ULK4: variants seen among roughly 807,000 people sequenced by gnomAD.
ULK4 encodes the protein unc-51 like kinase 4.
Under a neutral mutation model 160.6 loss-of-function variants are expected in ULK4, and 133 were observed. The ratio of observed to expected loss-of-function variants is 0.83; its 90% CI spans 0.72 to 0.96. The LOEUF (loss-of-function observed/expected upper bound fraction) is 0.96, where lower values mean the gene tolerates loss of function less well. Among genes scored for constraint, ULK4 ranks in the 40% least tolerant of loss-of-function variants. The pLI is 0.00. For synonymous variants in ULK4, 534 were observed against 539.8 expected (o/e 0.99, Z 0.15); for missense variants, 1,580 against 1,499.5 (o/e 1.05, Z -0.89).
chr3:41,326,136 A>AGG (rs940355613), intron 35 of ULK4, among the ~76,000 whole-genome samples: 3 of 151,092 alleles, frequency 2.0e-5, no homozygotes, highest in Non-Finnish European at 3.0e-5. Flanking sequence ...AAGCATGGGC[A>AGG]GGGGGGGGCT....
chr3:41,620,414 C>T (rs187494728), intron 30 of ULK4, among the ~76,000 whole-genome samples: 106 of 152,240 alleles, frequency 7.0e-4, no homozygotes, highest in Non-Finnish European at 1.2e-3. Flanking sequence ...AAAGCTTATC[C>T]ACCACGATCA....
chr3:41,957,347 G>A (rs1176444489), intron 1 of ULK4, among the ~76,000 whole-genome samples: 6 of 150,802 alleles, frequency 4.0e-5, no homozygotes, highest in African/African-American at 1.5e-4. Flanking sequence ...CCAGCTACTC[G>A]GGAGGCTGAA....
intron 35 of ULK4, among the ~76,000 whole-genome samples, chr3:41,355,097 C>A (rs2081002668): frequency 6.6e-6 from 1 of 152,330 alleles, no homozygotes; most frequent in East Asian, 1.9e-4. Flanking sequence ...AGGGTAAAGA[C>A]AATTACCTTT....
chr3:41,742,395 G>A (rs537662089), intron 22 of ULK4, among the ~76,000 whole-genome samples: 1 of 151,994 alleles, frequency 6.6e-6, no homozygotes, highest in South Asian at 2.1e-4. Flanking sequence ...TCTGAGTGGA[G>A]AGCTATCTTC....
intron 34 of ULK4, among the ~76,000 whole-genome samples, chr3:41,419,336 A>C (rs1348671686): frequency 6.6e-6 from 1 of 152,150 alleles, no homozygotes; most frequent in East Asian, 1.9e-4. Flanking sequence ...GAGTAGGATA[A>C]CATGGAGCCT....
At chr3:41,803,114 T>G (rs1306604174) in intron 19 of ULK4, among the ~76,000 whole-genome samples, 1 of 147,366 alleles carries the variant, frequency 6.8e-6, no homozygotes, top group Non-Finnish European at 1.5e-5. Flanking sequence ...GAGGTTGCAG[T>G]GAGCCAAGAT....
Position 41,551,383 on chromosome 3 carries a change from C to A in ULK4, c.3226+14642G>T, listed in dbSNP as rs186518671. Among the ~76,000 whole-genome samples, 404 of 146,628 alleles carry A rather than the reference C, an allele frequency of 2.8e-3. 1 individual carries two copies. The highest frequency in any genetic ancestry group is 9.2e-3 in the African/African-American group (367 of 40,030). On this transcript the variant is annotated intron_variant, in intron 32 of 36. Transcript: ENST00000301831. ...AAATAAAATAAAAAACCACTAGCAA[C>A]ACTAAACAAGAAAAAAAGGAAGAAG...
intron 34 of ULK4, among the ~76,000 whole-genome samples, chr3:41,434,766 T>C (rs12152540): frequency 0.26 from 39,669 of 152,140 alleles, 5,412 homozygotes; most frequent in East Asian, 0.57. Context: ...TCCCAGCATA[T>C]AAATATATTT....
intron 30 of ULK4, among the ~76,000 whole-genome samples, chr3:41,630,775 A>G (rs1159734223): frequency 6.6e-6 from 1 of 152,168 alleles, no homozygotes; most frequent in East Asian, 1.9e-4. Flanking sequence ...CTTTCTTAAA[A>G]GTAATGCATA....
intron 32 of ULK4, among the ~76,000 whole-genome samples, chr3:41,491,014 T>C (rs2084738429): frequency 6.6e-6 from 1 of 151,964 alleles, no homozygotes; most frequent in African/African-American, 2.4e-5. Context: ...GTAATAACCA[T>C]AAAAGATGGA....
chr3:41,334,911 C>A (rs1347724101), intron 35 of ULK4, among the ~76,000 whole-genome samples: 2 of 152,238 alleles, frequency 1.3e-5, no homozygotes, highest in East Asian at 3.9e-4. Context: ...GCAGAAGCTG[C>A]CCCAAATGTC....
intron 32 of ULK4, among the ~76,000 whole-genome samples, chr3:41,471,177 A>T (rs1018704795): frequency 6.6e-6 from 1 of 152,154 alleles, no homozygotes; most frequent in Non-Finnish European, 1.5e-5. Context: ...GCAAAGGGAA[A>T]CCAAAAGAGG....
chr3:41,391,228 G>C (rs1178087971), intron 35 of ULK4, among the ~76,000 whole-genome samples: 1 of 152,086 alleles, frequency 6.6e-6, no homozygotes, highest in Non-Finnish European at 1.5e-5. Context: ...CTACAAATGA[G>C]TGTGTATGGA....
intron 31 of ULK4, among the ~76,000 whole-genome samples, chr3:41,575,280 T>C (rs1467208950): frequency 6.6e-6 from 1 of 152,142 alleles, no homozygotes; most frequent in Non-Finnish European, 1.5e-5. Context: ...ACAGGGGGAA[T>C]GTTTGGAGTA....
intron 31 of ULK4, among the ~76,000 whole-genome samples, chr3:41,586,806 A>T (rs2030842431): frequency 6.6e-6 from 1 of 152,146 alleles, no homozygotes; most frequent in Non-Finnish European, 1.5e-5. Context: ...GATGAAAAGA[A>T]CTTAAAAGAT....
chr3:41,807,497 A>G (rs1344179273), intron 19 of ULK4, among the ~76,000 whole-genome samples: 1 of 152,178 alleles, frequency 6.6e-6, no homozygotes, highest in Non-Finnish European at 1.5e-5. Flanking sequence ...TAGTTTTTGC[A>G]TTTTGCTAGT....
intron 15 of ULK4, among the ~76,000 whole-genome samples, chr3:41,896,504 T>A (rs896255769): frequency 6.6e-6 from 1 of 152,214 alleles, no homozygotes; most frequent in African/African-American, 2.4e-5. Context: ...TCCACCCACC[T>A]TGGCCTCCCA....
chr3:41,952,532 C>A (rs369266457), intron 2 of ULK4, among the ~76,000 whole-genome samples: 4 of 151,834 alleles, frequency 2.6e-5, no homozygotes, highest in African/African-American at 9.7e-5. Flanking sequence ...CCACCTCACA[C>A]CCATTAGGAT....
chr3:41,529,974 T>C (rs2086246485), intron 32 of ULK4, among the ~76,000 whole-genome samples: 1 of 151,638 alleles, frequency 6.6e-6, no homozygotes, highest in Admixed American at 6.6e-5. Context: ...GGGAAAGGAG[T>C]GAATGAAGAG....
Sources: allele counts gnomAD v4.1 joint callset (sites outside exome capture counted in the v4.1 genomes callset), GRCh38; gene constraint gnomAD v4.1.1; transcripts MANE v1.5; gene names NCBI Gene and HGNC (gene_info 2026-07-23, HGNC 2026-07-21).